Variants in TMEM132C observed in about 807,000 individuals in gnomAD.
TMEM132C encodes the protein protein phosphatase 1, regulatory subunit 152.
In TMEM132C, 29 loss-of-function variants were observed where a neutral mutation model predicts 61.4. The observed-to-expected ratio is 0.47, with a 90% CI of 0.35 to 0.64. The LOEUF is 0.64. Ranked by LOEUF, TMEM132C falls within the 30% of genes least tolerant of loss-of-function variation. The pLI, the probability that TMEM132C is intolerant of heterozygous loss-of-function variation, is 0.00. For missense variants in TMEM132C, 1,408 were observed against 1,476.9 expected (o/e 0.95, Z 0.76); for synonymous variants, 656 against 633.1 (o/e 1.04, Z -0.54).
chr12:128,677,374 C>G (rs571458124), intron 5 of TMEM132C, among the ~76,000 whole-genome samples: 6 of 152,130 alleles, frequency 3.9e-5, no homozygotes, highest in East Asian at 1.9e-4. Context: ...AAGGAAGCAG[C>G]ATGCTAGTGA....
chr12:128,449,345 G>T, intron 2 of TMEM132C, among the ~76,000 whole-genome samples: 1 of 152,162 alleles, frequency 6.6e-6, no homozygotes, highest in African/African-American at 2.4e-5. Context: ...CTCATTTACT[G>T]AAATTACTTT....
Position 128,301,594 on chromosome 12 carries a change from A to T in TMEM132C, c.85+34107A>T, listed in dbSNP as rs1490916234. Among the ~76,000 whole-genome samples, 5 of 152,304 alleles carry T rather than the reference A, an allele frequency of 3.3e-5. No homozygotes were observed. In the East Asian group the frequency reaches 7.7e-4, roughly 24 times the overall value. On this transcript the variant is annotated intron_variant, in intron 1 of 8. Transcript: ENST00000435159. ...CCTTGATTTTTGAAGAATCAGGTAG[A>T]AATGATGGGATGGTAGTATTTATAA...
chr12:128,395,133 A>T (rs1874903083), intron 1 of TMEM132C, among the ~76,000 whole-genome samples: 1 of 151,098 alleles, frequency 6.6e-6, no homozygotes, highest in Admixed American at 6.6e-5. Context: ...ATTGTAACAT[A>T]ATTATTATAT....
intron 2 of TMEM132C, among the ~76,000 whole-genome samples, chr12:128,487,603 G>GTATATATA (rs35552118): frequency 9.5e-4 from 130 of 136,646 alleles, no homozygotes; most frequent in African/African-American, 2.0e-3. Context: ...GTGTGTGTGG[G>GTATATATA]TATATATATA....
At chr12:128,693,609 T>G (rs557309410) in intron 5 of TMEM132C, among the ~76,000 whole-genome samples, 169 of 152,258 alleles carry the variant, frequency 1.1e-3, no homozygotes, top group African/African-American at 3.7e-3. Flanking sequence ...CCTATTGGGT[T>G]TCCTTCTTTC....
intron 3 of TMEM132C, among the ~76,000 whole-genome samples, chr12:128,560,118 A>T (rs533417235): frequency 1.3e-5 from 2 of 152,276 alleles, no homozygotes; most frequent in East Asian, 3.9e-4. Context: ...ATGGTGGCAC[A>T]TGCCTGTAGT....
chr12:128,428,448 G>T (rs1049700187), intron 2 of TMEM132C, among the ~76,000 whole-genome samples: 10 of 152,070 alleles, frequency 6.6e-5, no homozygotes, highest in Non-Finnish European at 1.5e-5. Flanking sequence ...TATAATAGGT[G>T]CAATAAATGT....
intron 1 of TMEM132C, among the ~76,000 whole-genome samples, chr12:128,394,069 G>A (rs1258640865): frequency 6.6e-6 from 1 of 152,178 alleles, no homozygotes; most frequent in Admixed American, 6.5e-5. Context: ...GTTCCATGAG[G>A]CTGGGGAGGC....
At chr12:128,445,963 T>G (rs1292177020) in intron 2 of TMEM132C, among the ~76,000 whole-genome samples, 1 of 152,210 alleles carries the variant, frequency 6.6e-6, no homozygotes, top group Non-Finnish European at 1.5e-5. Flanking sequence ...TTAATCTCTG[T>G]CATCTACAAA....
intron 3 of TMEM132C, among the ~76,000 whole-genome samples, chr12:128,558,326 G>A (rs1874398077): frequency 6.6e-6 from 1 of 152,126 alleles, no homozygotes; most frequent in African/African-American, 2.4e-5. Flanking sequence ...GTCATGGGAG[G>A]GACCCGGTGG....
intron 4 of TMEM132C, among the ~76,000 whole-genome samples, chr12:128,643,725 C>T (rs916438151): frequency 3.9e-5 from 6 of 152,168 alleles, no homozygotes; most frequent in African/African-American, 1.2e-4. Flanking sequence ...TTGTTTGCTA[C>T]GTCAAGCTGC....
At chr12:128,621,097 G>A (rs968944621) in intron 4 of TMEM132C, among the ~76,000 whole-genome samples, 2 of 151,962 alleles carry the variant, frequency 1.3e-5, no homozygotes, top group African/African-American at 2.4e-5. Context: ...GACCCTTCTC[G>A]GCTCTGCTCT....
chr12:128,511,473 G>C (rs1872561887), intron 2 of TMEM132C, among the ~76,000 whole-genome samples: 1 of 152,184 alleles, frequency 6.6e-6, no homozygotes, highest in African/African-American at 2.4e-5. Flanking sequence ...CCTGGTTCCA[G>C]TTCCTTACTA....
chr12:128,454,216 C>T (rs1565941066), intron 2 of TMEM132C, among the ~76,000 whole-genome samples: 1 of 152,258 alleles, frequency 6.6e-6, no homozygotes, highest in East Asian at 1.9e-4. Flanking sequence ...TTTATCAAGT[C>T]CTTATTATAT....
intron 4 of TMEM132C, among the ~76,000 whole-genome samples, chr12:128,652,398 C>G (rs376552652): frequency 6.6e-6 from 1 of 152,282 alleles, no homozygotes; most frequent in South Asian, 2.1e-4. Flanking sequence ...TTGGAAGAGA[C>G]GCAGGACCCA....
intron 2 of TMEM132C, among the ~76,000 whole-genome samples, chr12:128,514,691 T>C (rs1384588586): frequency 1.3e-5 from 2 of 151,978 alleles, no homozygotes; most frequent in African/African-American, 4.8e-5. Flanking sequence ...AACCCAAGAG[T>C]GAGAATTCTC....
chr12:128,611,950 G>A (rs78329298), intron 3 of TMEM132C, among the ~76,000 whole-genome samples: 4,912 of 152,290 alleles, frequency 0.032, 239 homozygotes, highest in African/African-American at 0.11. Flanking sequence ...GTTTCAAAAT[G>A]GGGTTGCATT....
intron 1 of TMEM132C, among the ~76,000 whole-genome samples, chr12:128,403,722 AC>A (rs78582106): frequency 0.69 from 104,157 of 151,616 alleles, 37,275 homozygotes; most frequent in East Asian, 0.92. Flanking sequence ...ACAAAACAAA[AC>A]AAAATCCTCA....
chr12:128,665,627 A>G (rs1050985040), intron 4 of TMEM132C, among the ~76,000 whole-genome samples: 3 of 151,058 alleles, frequency 2.0e-5, no homozygotes, highest in African/African-American at 7.3e-5. Flanking sequence ...ACAGGCACAC[A>G]CACACACACA....
Sources: gnomAD v4.1 joint callset for allele counts (sites outside exome capture counted in the v4.1 genomes callset) on GRCh38, gnomAD v4.1.1 for gene constraint, MANE v1.5 for transcripts, NCBI Gene and HGNC (gene_info 2026-07-23, HGNC 2026-07-21) for gene names.